Variants in CCSER1 observed in about 807,000 individuals in gnomAD.
The protein encoded by CCSER1 is serine-rich coiled-coil domain-containing protein 1.
CCSER1 carries 41 observed loss-of-function variants against 82.0 expected under a neutral mutation model. That is an observed-to-expected ratio of 0.50 (90% CI 0.39 to 0.65). CCSER1 has a LOEUF of 0.65. Among genes scored for constraint, CCSER1 ranks in the 30% least tolerant of loss-of-function variants. The pLI is 0.00. For synonymous variants in CCSER1, 414 were observed against 383.9 expected, an observed-to-expected ratio of 1.08 and a Z score of -0.92; for missense variants, 1,119 against 1,064.2, an observed-to-expected ratio of 1.05 and a Z score of -0.72.
intron 3 of CCSER1, among the ~76,000 whole-genome samples, chr4:90,393,059 C>T (rs1017410572): frequency 6.6e-5 from 10 of 152,298 alleles, no homozygotes; most frequent in African/African-American, 2.4e-4. Context: ...ACTGTATGTA[C>T]CCAGTCTATT....
chr4:90,447,501 A>G (rs1321511743), intron 4 of CCSER1, among the ~76,000 whole-genome samples: 1 of 152,212 alleles, frequency 6.6e-6, no homozygotes, highest in East Asian at 1.9e-4. Flanking sequence ...CAGAGCCAAG[A>G]ATATGGCTGT....
intron 3 of CCSER1, among the ~76,000 whole-genome samples, chr4:90,358,459 T>C (rs1579371096): frequency 6.6e-6 from 1 of 152,284 alleles, no homozygotes; most frequent in East Asian, 1.9e-4. Flanking sequence ...GGAAAGTACT[T>C]AGAAACAGCA....
chr4:91,374,975 G>A (rs533554625), intron 10 of CCSER1, among the ~76,000 whole-genome samples: 3 of 152,280 alleles, frequency 2.0e-5, no homozygotes, highest in Admixed American at 1.3e-4. Context: ...TTCCAGCCTG[G>A]GAGAGAGAGT....
intron 8 of CCSER1, among the ~76,000 whole-genome samples, chr4:90,837,236 T>C (rs1761915764): frequency 6.6e-6 from 1 of 152,194 alleles, no homozygotes; most frequent in African/African-American, 2.4e-5. Context: ...ATTATTTTTC[T>C]TCTAAGTATA....
chr4:90,250,660 TG>T (rs1722226531), intron 1 of CCSER1, among the ~76,000 whole-genome samples: 1 of 152,084 alleles, frequency 6.6e-6, no homozygotes, highest in South Asian at 2.1e-4. Flanking sequence ...TCACTAACTT[TG>T]TTCCCTTTTT....
chr4:90,659,649 C>A (rs781606411), intron 6 of CCSER1, among the ~76,000 whole-genome samples: 3 of 152,002 alleles, frequency 2.0e-5, no homozygotes, highest in Admixed American at 6.6e-5. Flanking sequence ...ACCAACATTG[C>A]ATAATGAATA....
At chr4:91,392,640 C>T (rs1751734919) in intron 10 of CCSER1, among the ~76,000 whole-genome samples, 1 of 151,894 alleles carries the variant, frequency 6.6e-6, no homozygotes, top group Non-Finnish European at 1.5e-5. Context: ...AGCTCATTTG[C>T]ACAGTTACTA....
At chr4:90,362,503 G>T (rs1171566433) in intron 3 of CCSER1, among the ~76,000 whole-genome samples, 1 of 152,138 alleles carries the variant, frequency 6.6e-6, no homozygotes, top group Admixed American at 6.6e-5. Context: ...CAAAGGCTAG[G>T]TGTAATTGAG....
chr4:91,296,483 A>ATATATATATATATATTTATTTATTTATT (rs1175690764), intron 10 of CCSER1, among the ~76,000 whole-genome samples: 2 of 124,068 alleles, frequency 1.6e-5, no homozygotes, highest in African/African-American at 6.9e-5. Flanking sequence ...ATATATATAT[A>ATATATATATATATATTTATTTATTTATT]TATTTTAATT....
intron 9 of CCSER1, among the ~76,000 whole-genome samples, chr4:91,031,821 G>T (rs1741006990): frequency 6.6e-6 from 1 of 152,032 alleles, no homozygotes; most frequent in Non-Finnish European, 1.5e-5. Context: ...TATTTTGGTA[G>T]TATATAATAT....
chr4:91,560,043 A>G (rs1214207043), intron 10 of CCSER1, among the ~76,000 whole-genome samples: 3 of 151,556 alleles, frequency 2.0e-5, no homozygotes, highest in Non-Finnish European at 3.0e-5. Context: ...AACTGATTGG[A>G]TAATGAATAA....
intron 10 of CCSER1, among the ~76,000 whole-genome samples, chr4:91,472,603 C>G (rs1173051389): frequency 6.6e-6 from 1 of 152,116 alleles, no homozygotes; most frequent in African/African-American, 2.4e-5. Flanking sequence ...GAAAATCTTT[C>G]TCTATAATAA....
chr4:90,505,724 T>C (rs1560627805), intron 5 of CCSER1, among the ~76,000 whole-genome samples: 1 of 152,216 alleles, frequency 6.6e-6, no homozygotes, highest in Non-Finnish European at 1.5e-5. Flanking sequence ...TTGGCACTGA[T>C]GGGAGTTTCC....
intron 9 of CCSER1, among the ~76,000 whole-genome samples, chr4:90,988,173 T>TA (rs1736722577): frequency 6.6e-6 from 1 of 150,794 alleles, no homozygotes; most frequent in Non-Finnish European, 1.5e-5. Flanking sequence ...AAATGAAAAT[T>TA]AAAAAATTAA....
At chr4:90,251,540 A>C (rs571759792) in intron 1 of CCSER1, among the ~76,000 whole-genome samples, 1 of 151,884 alleles carries the variant, frequency 6.6e-6, no homozygotes, top group South Asian at 2.1e-4. Flanking sequence ...TAATTTTTGG[A>C]CATTAAACCA....
At chr4:91,076,933 G>T (rs1722059448) in intron 9 of CCSER1, among the ~76,000 whole-genome samples, 1 of 152,128 alleles carries the variant, frequency 6.6e-6, no homozygotes, top group Non-Finnish European at 1.5e-5. Flanking sequence ...AGAATTTGTG[G>T]GGCAGATTAC....
At chr4:90,153,252 T>G (rs1578210012) in intron 1 of CCSER1, among the ~76,000 whole-genome samples, 1 of 151,880 alleles carries the variant, frequency 6.6e-6, no homozygotes, top group Non-Finnish European at 1.5e-5. Flanking sequence ...TTCCATGGAG[T>G]ATATTGCCAC....
At chr4:91,124,460 A>G (rs1727335271) in intron 10 of CCSER1, among the ~76,000 whole-genome samples, 1 of 151,702 alleles carries the variant, frequency 6.6e-6, no homozygotes, top group Admixed American at 6.6e-5. Context: ...CCTCATGAAC[A>G]GTTTCCATCT....
intron 10 of CCSER1, among the ~76,000 whole-genome samples, chr4:91,301,809 A>C (rs1331530533): frequency 1.3e-5 from 2 of 151,904 alleles, no homozygotes; most frequent in African/African-American, 4.8e-5. Context: ...TTAAGCCACC[A>C]ACAATGATGA....
Sources: allele counts gnomAD v4.1 joint callset (sites outside exome capture counted in the v4.1 genomes callset), GRCh38; gene constraint gnomAD v4.1.1; transcripts MANE v1.5; gene names NCBI Gene and HGNC (gene_info 2026-07-23, HGNC 2026-07-21).